Variants in EIF3D observed in about 807,000 individuals in gnomAD.
The protein encoded by EIF3D is eukaryotic translation initiation factor 3 subunit D, also known as eIF3 p66.
Under a neutral mutation model 75.4 loss-of-function variants are expected in EIF3D, and 10 were observed. The ratio of observed to expected loss-of-function variants is 0.13; its 90% confidence interval spans 0.08 to 0.22. The LOEUF (loss-of-function observed/expected upper bound fraction) is 0.22. Among genes scored for constraint, EIF3D ranks in the 10% least tolerant of loss-of-function variants. EIF3D has a pLI of 1.00. For synonymous variants in EIF3D, 246 were observed against 248.3 expected (o/e 0.99, Z 0.09); for missense variants, 394 against 708.0 (o/e 0.56, Z 5.03).
chr22:36,526,714 C>G (rs1293894654), intron 1 of EIF3D: 1 of 152,132 alleles, frequency 6.6e-6, no homozygotes, highest in Non-Finnish European at 1.5e-5. Flanking sequence ...CTGCCTCAGC[C>G]TCCTGAGTAG....
chr22:36,521,493 C>T (rs1294779193), intron 6 of EIF3D, among the ~76,000 whole-genome samples: 2 of 152,160 alleles, frequency 1.3e-5, no homozygotes, highest in Non-Finnish European at 2.9e-5. Context: ...CCCACACAAG[C>T]ACACGCAGGT....
chr22:36,525,820 T>C, intron 2 of EIF3D, 111 bp from the exon 3 acceptor site: 1 of 1,477,304 alleles, frequency 6.8e-7, no homozygotes, highest in Non-Finnish European at 9.2e-7. Context: ...CAGAATTTGT[T>C]CACAACACCT....
rs1234694602 is a variant in EIF3D at position 36,511,502 on chromosome 22, CCTT to C, written c.1631_1633del (p.Glu547del). On this transcript the variant is annotated inframe_deletion and splice_region_variant, in exon 14 of 15. Coordinates refer to ENST00000216190, the MANE Select transcript of EIF3D (RefSeq NM_003753.4). ...ACCTCAGAAAGTGGGCTGCTACACA[CCTT>C]CTTCTTCCTCTTCTTCCTCCTCCTC... 6.8e-6 allele frequency: 11 copies of C among 1,613,724 alleles called. No homozygotes were observed. The highest frequency in any genetic ancestry group is 1.7e-4 in the Middle Eastern group (1 of 6,032).
chr22:36,518,122 A>G (rs1260621872), intron 9 of EIF3D, among the ~76,000 whole-genome samples: 2 of 152,124 alleles, frequency 1.3e-5, no homozygotes, highest in African/African-American at 4.8e-5. Context: ...TATAAAAAAT[A>G]TATATGTATA....
At chr22:36,516,192 C>CAG (rs1934423809) in intron 12 of EIF3D, 2 of 301,282 alleles carry the variant, frequency 6.6e-6, no homozygotes, top group Non-Finnish European at 1.2e-5. Flanking sequence ...CACAATGGAA[C>CAG]AGAGATGAAG....
At chr22:36,514,375 C>T (rs1249235503) in intron 12 of EIF3D, among the ~76,000 whole-genome samples, 1 of 152,144 alleles carries the variant, frequency 6.6e-6, no homozygotes, top group East Asian at 1.9e-4. Flanking sequence ...ACGGGCAGAA[C>T]CTATGGCTAG....
chr22:36,527,923 G>C (rs1934631484), intron 1 of EIF3D, among the ~76,000 whole-genome samples: 1 of 152,238 alleles, frequency 6.6e-6, no homozygotes, highest in Non-Finnish European at 1.5e-5. Flanking sequence ...GCTTCCTTCA[G>C]AGATGACATT....
intron 9 of EIF3D, among the ~76,000 whole-genome samples, chr22:36,518,200 T>C (rs2145872997): frequency 6.6e-6 from 1 of 152,180 alleles, no homozygotes; most frequent in Middle Eastern, 3.4e-3. Context: ...TTTAAATGAA[T>C]AACATTTGGG....
At chr22:36,515,729 A>G (rs986744654) in intron 12 of EIF3D, among the ~76,000 whole-genome samples, 3 of 152,162 alleles carry the variant, frequency 2.0e-5, no homozygotes, top group Admixed American at 2.0e-4. Flanking sequence ...CAAACGGAAC[A>G]GGGAAACGGG....
chr22:36,522,467 T>C (rs1217403570), intron 6 of EIF3D, among the ~76,000 whole-genome samples: 1 of 152,234 alleles, frequency 6.6e-6, no homozygotes, highest in Non-Finnish European at 1.5e-5. Flanking sequence ...CTTGAGAATG[T>C]GTAGACTTTC....
chr22:36,512,847 GGACACACACGGACACA>G (rs1934362429), intron 12 of EIF3D: 1 of 400,704 alleles, frequency 2.5e-6, no homozygotes, highest in South Asian at 2.6e-5. Flanking sequence ...AATGATGGAT[GGACACACACGGACACA>G]CACACACACA....
intron 3 of EIF3D, among the ~76,000 whole-genome samples, chr22:36,525,245 T>C (rs866694652): frequency 2.1e-5 from 3 of 146,230 alleles, no homozygotes; most frequent in Non-Finnish European, 4.5e-5. Flanking sequence ...TTTACTTTTT[T>C]TTTTTTTTTT....
chr22:36,518,880 T>C lies in EIF3D; in HGVS notation c.742A>G (p.Thr248Ala). The change falls in exon 9 of 15, where the codon ACT becomes GCT. Residue 248 changes from threonine to alanine, a missense_variant. Coordinates refer to ENST00000216190, the MANE Select transcript of EIF3D (RefSeq NM_003753.4). The part of the protein sequence containing the change: ...LAKTQGNVFA[T>A]DAILATLMSC... ...ATCAGCGTGGCCAGGATGGCATCAG[T>C]GGCAAACACATTCCCCTGAGTTTTT... 6.2e-7 allele frequency: 1 copy of C among 1,614,186 alleles called. No individual in the cohort carries two copies. Among genetic ancestry groups the C allele is most frequent in the Non-Finnish European group, 8.5e-7 (1 of 1,180,026 alleles).
At chr22:36,514,292 A>AG (rs1934388763) in intron 12 of EIF3D, among the ~76,000 whole-genome samples, 1 of 152,202 alleles carries the variant, frequency 6.6e-6, no homozygotes, top group Non-Finnish European at 1.5e-5. Context: ...TTCATGGTTG[A>AG]GGCCTGGGAT....
At chr22:36,514,790 T>C (rs1934397607) in intron 12 of EIF3D, among the ~76,000 whole-genome samples, 1 of 152,186 alleles carries the variant, frequency 6.6e-6, no homozygotes, top group Non-Finnish European at 1.5e-5. Flanking sequence ...TCTATTTCTA[T>C]TGACACCATG....
chr22:36,528,580 G>A (rs1015738494), intron 1 of EIF3D, among the ~76,000 whole-genome samples: 1 of 137,962 alleles, frequency 7.2e-6, no homozygotes, highest in African/African-American at 3.0e-5. Flanking sequence ...ATCATAAGCC[G>A]TCCATCGCTG....
intron 13 of EIF3D, 57 bp downstream of exon 13, chr22:36,512,403 C>G (rs1182473326): frequency 6.2e-7 from 1 of 1,602,614 alleles, no homozygotes; most frequent in African/African-American, 1.3e-5. Flanking sequence ...GTCAACCTCC[C>G]TACCCAGACC....
At chr22:36,524,555 TA>T (rs1158522658) in intron 4 of EIF3D, 40 bp downstream of exon 4, 44 of 1,611,734 alleles carry the variant, frequency 2.7e-5, no homozygotes, top group Non-Finnish European at 3.6e-5. Context: ...TGGCCAACAG[TA>T]ACAGCCCCAA....
intron 4 of EIF3D, among the ~76,000 whole-genome samples, chr22:36,524,205 T>C (rs1440032521): frequency 6.6e-6 from 1 of 152,192 alleles, no homozygotes; most frequent in East Asian, 1.9e-4. Flanking sequence ...CATTGAAGTA[T>C]GTTTACTGGG....
Sources: allele counts gnomAD v4.1 joint callset (sites outside exome capture counted in the v4.1 genomes callset), GRCh38; gene constraint gnomAD v4.1.1; transcripts MANE v1.5; gene names NCBI Gene and HGNC (gene_info 2026-07-23, HGNC 2026-07-21).